The following TBC1D5 variants were observed in gnomAD, a reference collection of about 807,000 sequenced individuals.
TBC1D5 encodes the protein TBC1 domain family member 5.
TBC1D5 carries 75 observed loss-of-function variants against 100.3 expected under a neutral mutation model. The observed-to-expected ratio is 0.75, with a 90% CI of 0.62 to 0.91. The LOEUF (loss-of-function observed/expected upper bound fraction) is 0.91. Ranked by LOEUF, TBC1D5 falls within the 40% of genes least tolerant of loss-of-function variation. TBC1D5 has a pLI of 0.00. For synonymous variants in TBC1D5, 323 were observed against 325.6 expected (o/e 0.99, Z 0.09); for missense variants, 910 against 942.4 (o/e 0.97, Z 0.45).
chr3:17,666,257 A>T (rs865801018), intron 1 of TBC1D5, among the ~76,000 whole-genome samples: 3 of 152,210 alleles, frequency 2.0e-5, no homozygotes, highest in South Asian at 2.1e-4. Flanking sequence ...AAAAATACGT[A>T]TTGAGCACAC....
At chr3:17,386,393 T>A (rs2093154454) in intron 8 of TBC1D5, among the ~76,000 whole-genome samples, 1 of 152,100 alleles carries the variant, frequency 6.6e-6, no homozygotes, top group Admixed American at 6.6e-5. Flanking sequence ...CCATAAACTA[T>A]AAATAATTTA....
rs149431530 is a variant in TBC1D5 at position 17,279,931 on chromosome 3, G to A, written c.1245+11964C>T. On this transcript the variant is annotated intron_variant, in intron 15 of 21. Transcript: ENST00000253692. Reference sequence around the variant, plus strand: ...TTCATTACATCACCAGCACCCAGGAGAATGGAGGCAATAAACACTTGGTAA... The same window carrying A: ...TTCATTACATCACCAGCACCCAGGAAAATGGAGGCAATAAACACTTGGTAA... Among the ~76,000 whole-genome samples the A allele has an allele frequency of 1.0e-3, 157 of 152,294 alleles. 1 individual carries two copies. Among genetic ancestry groups the A allele is most frequent in the African/African-American group, 3.5e-3 (146 of 41,572 alleles).
chr3:17,691,365 G>A (rs2071126764), intron 1 of TBC1D5, among the ~76,000 whole-genome samples: 1 of 152,124 alleles, frequency 6.6e-6, no homozygotes, highest in Admixed American at 6.5e-5. Context: ...TCCTGCAACT[G>A]TAACCACAAA....
chr3:17,185,644 A>G (rs2068949120), intron 18 of TBC1D5, among the ~76,000 whole-genome samples: 1 of 152,180 alleles, frequency 6.6e-6, no homozygotes, highest in African/African-American at 2.4e-5. Flanking sequence ...TTGAGAAACC[A>G]AAGATTTCCC....
intron 16 of TBC1D5, among the ~76,000 whole-genome samples, chr3:17,254,199 G>A (rs2077424160): frequency 6.6e-6 from 1 of 152,090 alleles, no homozygotes. Context: ...TGTGGCTTTT[G>A]GATATGTGTT....
rs561990768 is a variant in TBC1D5 at position 17,498,825 on chromosome 3, A to T, written c.97+9649T>A. Reference sequence around the variant, plus strand: ...ATGTAGTGTTAGTAAAATATTTTTTAAAAAAACTCAAGTACATGTAAGGAG... The same window carrying T: ...ATGTAGTGTTAGTAAAATATTTTTTTAAAAAACTCAAGTACATGTAAGGAG... On this transcript the variant is annotated intron_variant, in intron 3 of 21. Coordinates refer to ENST00000253692, the Ensembl canonical transcript of TBC1D5. 6.0e-4 allele frequency among the ~76,000 whole-genome samples: 92 copies of T among 152,292 alleles called. 1 individual carries two copies. In the South Asian group the frequency reaches 0.014, roughly 23 times the overall value.
chr3:17,161,299 C>T (rs766484252), intron 21 of TBC1D5, 43 bp from the exon 23 acceptor site: 1 of 1,561,274 alleles, frequency 6.4e-7, no homozygotes, highest in South Asian at 1.2e-5. Flanking sequence ...AAAGAAGAAA[C>T]TGGCAAAGAA....
chr3:17,732,501 C>A (rs2076647179), intron 1 of TBC1D5, among the ~76,000 whole-genome samples: 1 of 152,122 alleles, frequency 6.6e-6, no homozygotes, highest in South Asian at 2.1e-4. Flanking sequence ...GATGGATCAC[C>A]TGAGGTCGGG....
In TBC1D5 at chr3:17,254,285, A is replaced by C. The variant is rs995080263; in HGVS notation, c.1331+4221T>G. Among the ~76,000 whole-genome samples the C allele has an allele frequency of 3.3e-5, 5 of 152,364 alleles. No individual in the cohort carries two copies. The South Asian group carries it at 1.0e-3, about 32-fold the overall frequency. ...TATATGTTTAACTTCATAAGAAATTACCAAACTATTTTACAAAGTAGTTAT... is the reference window on the plus strand; with the variant it reads ...TATATGTTTAACTTCATAAGAAATTCCCAAACTATTTTACAAAGTAGTTAT... On this transcript the variant is annotated intron_variant, in intron 16 of 21. Transcript: ENST00000253692.
At chr3:17,440,522 C>T (rs1374094348) in intron 3 of TBC1D5, among the ~76,000 whole-genome samples, 1 of 152,118 alleles carries the variant, frequency 6.6e-6, no homozygotes, top group Non-Finnish European at 1.5e-5. Flanking sequence ...GGGACTGGGG[C>T]AGGAGGATCA....
intron 2 of TBC1D5, among the ~76,000 whole-genome samples, chr3:17,590,059 C>A (rs2096756701): frequency 6.6e-6 from 1 of 152,182 alleles, no homozygotes; most frequent in Non-Finnish European, 1.5e-5. Context: ...GCACCCACTC[C>A]CCCCTACAAC....
At chr3:17,534,104 CAAA>C (rs2096260949) in intron 2 of TBC1D5, among the ~76,000 whole-genome samples, 1 of 152,040 alleles carries the variant, frequency 6.6e-6, no homozygotes, top group Non-Finnish European at 1.5e-5. Flanking sequence ...ATCAAGAAAG[CAAA>C]AGAATCACCC....
intron 3 of TBC1D5, among the ~76,000 whole-genome samples, chr3:17,452,069 C>A (rs1207247376): frequency 6.6e-6 from 1 of 151,772 alleles, no homozygotes; most frequent in South Asian, 2.1e-4. Context: ...TTTGTTTACA[C>A]AATCAGTGTT....
intron 8 of TBC1D5, among the ~76,000 whole-genome samples, chr3:17,384,216 C>G (rs2152243056): frequency 6.6e-6 from 1 of 152,118 alleles, no homozygotes; most frequent in East Asian, 1.9e-4. Context: ...AAATTACATC[C>G]TTCAACATAT....
At chr3:17,696,429 T>C (rs1431912394) in intron 1 of TBC1D5, among the ~76,000 whole-genome samples, 2 of 152,156 alleles carry the variant, frequency 1.3e-5, no homozygotes, top group Non-Finnish European at 2.9e-5. Context: ...TCACCACCTA[T>C]TACACAGAAA....
intron 2 of TBC1D5, among the ~76,000 whole-genome samples, chr3:17,529,832 G>C (rs1576535940): frequency 1.3e-5 from 2 of 151,980 alleles, no homozygotes; most frequent in South Asian, 4.2e-4. Flanking sequence ...AAAAACGTGA[G>C]ATAAAATTGG....
At chr3:17,732,814 A>T (rs2076677507) in intron 1 of TBC1D5, among the ~76,000 whole-genome samples, 1 of 152,094 alleles carries the variant, frequency 6.6e-6, no homozygotes, top group African/African-American at 2.4e-5. Context: ...TCCTTTCATT[A>T]ATTCTTCCAT....
At chr3:17,216,768 G>A (rs1388408548) in intron 17 of TBC1D5, among the ~76,000 whole-genome samples, 1 of 151,916 alleles carries the variant, frequency 6.6e-6, no homozygotes, top group Non-Finnish European at 1.5e-5. Flanking sequence ...TATTAGAACC[G>A]AAAAAGATCT....
At chr3:17,507,152 C>T (rs78184379) in intron 3 of TBC1D5, among the ~76,000 whole-genome samples, 312 of 152,320 alleles carry the variant, frequency 2.0e-3, no homozygotes, top group African/African-American at 7.3e-3. Flanking sequence ...AAAACATCCA[C>T]TTACAGAAGT....
Sources: allele counts gnomAD v4.1 joint callset (sites outside exome capture counted in the v4.1 genomes callset), GRCh38; gene constraint gnomAD v4.1.1; transcripts MANE v1.5; gene names NCBI Gene and HGNC (gene_info 2026-07-23, HGNC 2026-07-21).